The following ROS1 variants were observed in gnomAD, a reference collection of about 807,000 sequenced individuals.
ROS1 encodes the protein proto-oncogene tyrosine-protein kinase ROS.
Under a neutral mutation model 273.5 loss-of-function variants are expected in ROS1, and 263 were observed. The observed-to-expected ratio is 0.96, with a 90% CI of 0.87 to 1.06. The LOEUF (loss-of-function observed/expected upper bound fraction) is 1.06. Among genes scored for constraint, ROS1 ranks in the 50% least tolerant of loss-of-function variants. The pLI is 0.00. For synonymous variants in ROS1, 1,008 were observed against 954.1 expected (o/e 1.06, Z -1.04); for missense variants, 2,833 against 2,751.1 (o/e 1.03, Z -0.67).
In ROS1 at chr6:117,397,011, T is replaced by C. The variant is rs1253255306; in HGVS notation, c.710A>G (p.Tyr237Cys). ...PQFPGGPILGYNLRLISKNQK... is the reference protein window; with the variant it reads ...PQFPGGPILGCNLRLISKNQK... The stretch of plus-strand genomic sequence containing the variant: ...ATTTTTGCTGATCAGCCTTAAGTTA[T>C]AACCCAAAATAGGTCCACCTGGGAA... Residue 237 changes from tyrosine (Y) to cysteine (C), a missense_variant, in exon 8 of 44, where the codon TAT becomes TGT. Physicochemically the swap from Tyr to Cys is radical, Grantham distance 194 (BLOSUM62 -2). Coordinates refer to ENST00000368507, the MANE Select transcript of ROS1 (RefSeq NM_001378902.1). The C allele has an allele frequency of 6.2e-7, 1 of 1,613,968 alleles. No individual in the cohort carries two copies. The highest frequency in any genetic ancestry group is 8.5e-7 in the Non-Finnish European group (1 of 1,179,818).
intron 27 of ROS1, among the ~76,000 whole-genome samples, chr6:117,350,514 G>A (rs187072294): frequency 1.9e-4 from 29 of 151,812 alleles, no homozygotes; most frequent in Non-Finnish European, 3.5e-4. Flanking sequence ...CATACCTGTA[G>A]TTTGGTATCT....
chr6:117,360,663 T>C (rs1779725595), intron 22 of ROS1, among the ~76,000 whole-genome samples: 1 of 152,130 alleles, frequency 6.6e-6, no homozygotes, highest in African/African-American at 2.4e-5. Context: ...AAAAATGAAT[T>C]TCTAAAAATG....
At chr6:117,341,362 A>C (rs1777903929) in intron 30 of ROS1, 38 bp downstream of exon 30, 1 of 1,611,448 alleles carries the variant, frequency 6.2e-7, no homozygotes, top group Non-Finnish European at 8.5e-7. Flanking sequence ...CTTGCACTTG[A>C]GAATGACAAT....
chr6:117,338,769 C>T (rs1436630612), intron 31 of ROS1, among the ~76,000 whole-genome samples: 2 of 152,046 alleles, frequency 1.3e-5, no homozygotes, highest in South Asian at 4.1e-4. Context: ...GGAGAGGTGC[C>T]ACAGGATATC....
intron 32 of ROS1, among the ~76,000 whole-genome samples, chr6:117,333,998 A>T (rs547818444): frequency 6.6e-5 from 10 of 152,262 alleles, no homozygotes; most frequent in African/African-American, 2.2e-4. Context: ...TGGTCAGGGC[A>T]ATCAGGCAAG....
intron 13 of ROS1, among the ~76,000 whole-genome samples, chr6:117,388,237 G>T (rs970843300): frequency 6.6e-6 from 1 of 152,188 alleles, no homozygotes; most frequent in South Asian, 2.1e-4. Flanking sequence ...CTGTCCTTCA[G>T]TCAAAGCTAT....
chr6:117,391,136 C>T (rs563394072), intron 12 of ROS1, among the ~76,000 whole-genome samples: 1 of 152,288 alleles, frequency 6.6e-6, no homozygotes, highest in African/African-American at 2.4e-5. Context: ...GATCAATTTT[C>T]TCAAAACTCC....
intron 4 of ROS1, among the ~76,000 whole-genome samples, chr6:117,411,630 C>T (rs1010354102): frequency 1.4e-4 from 21 of 152,178 alleles, no homozygotes; most frequent in Non-Finnish European, 7.3e-5. Context: ...CAGACTGGCA[C>T]ACAGGCTGCC....
At chr6:117,291,883 A>G (rs1773859228) in intron 43 of ROS1, among the ~76,000 whole-genome samples, 1 of 152,184 alleles carries the variant, frequency 6.6e-6, no homozygotes, top group Admixed American at 6.5e-5. Flanking sequence ...GGGTCCGTGG[A>G]GACTTCAAGT....
chr6:117,317,859 C>T (rs1420639013), intron 38 of ROS1, among the ~76,000 whole-genome samples: 1 of 152,152 alleles, frequency 6.6e-6, no homozygotes, highest in Non-Finnish European at 1.5e-5. Context: ...TGAGAGAACT[C>T]TCTCTTACTG....
At position 117,366,219 on chromosome 6, in the gene ROS1, T is replaced by C. The variant is rs1248261976; in HGVS notation, c.2654A>G (p.Tyr885Cys). The C allele has an allele frequency of 2.5e-6, 4 of 1,614,082 alleles. No homozygotes were observed. Among genetic ancestry groups the C allele is most frequent in the Admixed American group, 1.7e-5 (1 of 60,012 alleles). Residue 885 changes from tyrosine (Y) to cysteine (C), a missense_variant, in exon 19 of 44, where the codon TAC (tyrosine) becomes TGC (cysteine). Physicochemically the swap from Tyr to Cys is radical, Grantham distance 194. Transcript: ENST00000368507. ...TSEISQNALM[Y>C]YSGRLFWING... Reference sequence around the variant, plus strand: ...GATCCAGAACAGCCGACCACTATAGTACATCAGTGCATTCTGGGAAATTTC... The same window carrying C: ...GATCCAGAACAGCCGACCACTATAGCACATCAGTGCATTCTGGGAAATTTC...
Position 117,403,257 on chromosome 6 carries a change from A to G in ROS1, c.486T>C (p.Tyr162=), listed in dbSNP as rs527854247. The change falls in exon 7 of 44, where the codon TAT becomes TAC. Residue 162 remains tyrosine (Y), a synonymous_variant. Coordinates refer to ENST00000368507, the MANE Select transcript of ROS1 (RefSeq NM_001378902.1). Reference sequence around the variant, plus strand: ...TGAAGGGGTGCAGGGGCTTGACCACATAGGACGGTCTGGACACAGTCTAGA... The same window carrying G: ...TGAAGGGGTGCAGGGGCTTGACCACGTAGGACGGTCTGGACACAGTCTAGA... ...TYTKTVSRPS[Y]VVKPLHPFTE... is the part of the protein sequence containing the mutation. 11 of 1,612,302 alleles carry G rather than the reference A, an allele frequency of 6.8e-6. No homozygotes were observed. Among genetic ancestry groups the G allele is most frequent in the African/African-American group, 6.7e-5 (5 of 74,892 alleles).
intron 17 of ROS1, among the ~76,000 whole-genome samples, chr6:117,380,458 T>C (rs2128687440): frequency 6.6e-6 from 1 of 152,122 alleles, no homozygotes; most frequent in Admixed American, 6.5e-5. Flanking sequence ...CTTTTAGGAG[T>C]TGAATCATGT....
chr6:117,367,551 A>T (rs534166630), intron 18 of ROS1, among the ~76,000 whole-genome samples: 2 of 152,302 alleles, frequency 1.3e-5, no homozygotes, highest in South Asian at 4.1e-4. Context: ...TGATGCCAAG[A>T]AGGCATGGCC....
rs1779354843 is a variant in ROS1, at chr6:117,356,817, G to A, written c.3938C>T (p.Thr1313Ile). The stretch of plus-strand genomic sequence containing the variant: ...TTGATTCCTTTTGTTTTGTTGGTTT[G>A]TAGCTGTGGGTTGCAGAATTCGGTG... ...TLHRILQPTATNQQNKRNQCS... is the reference protein window; with the variant it reads ...TLHRILQPTAINQQNKRNQCS... The change falls in exon 26 of 44, where the codon ACA (threonine) becomes ATA (isoleucine). Residue 1313 changes from threonine (T) to isoleucine (I), a missense_variant. Physicochemically the swap from Thr to Ile is moderately conservative, Grantham distance 89 (BLOSUM62 -1). Coordinates refer to ENST00000368507, the MANE Select transcript of ROS1 (RefSeq NM_001378902.1). The A allele has an allele frequency of 1.2e-6, 2 of 1,614,012 alleles. No homozygotes were observed.
chr6:117,323,120 A>G (rs975757730), intron 35 of ROS1, among the ~76,000 whole-genome samples: 1 of 152,148 alleles, frequency 6.6e-6, no homozygotes, highest in Non-Finnish European at 1.5e-5. Flanking sequence ...TGGCACAAAC[A>G]TCAGCTGTGC....
At chr6:117,390,344 C>T (rs1011288982) in intron 12 of ROS1, among the ~76,000 whole-genome samples, 2 of 152,106 alleles carry the variant, frequency 1.3e-5, no homozygotes, top group African/African-American at 4.8e-5. Flanking sequence ...CCAAGCTAGT[C>T]CTGAACTCCT....
chr6:117,416,154 C>G (rs1775315899), intron 3 of ROS1, 104 bp downstream of exon 3: 1 of 733,356 alleles, frequency 1.4e-6, no homozygotes, highest in East Asian at 2.6e-5. Context: ...TAGGGTCAAG[C>G]AAACTAGTTG....
At chr6:117,369,505 C>T (rs1319611840) in intron 18 of ROS1, among the ~76,000 whole-genome samples, 2 of 151,532 alleles carry the variant, frequency 1.3e-5, no homozygotes, top group Non-Finnish European at 2.9e-5. Context: ...ACCCGGGAGG[C>T]GGAGCTTGCA....
Sources: gnomAD v4.1 joint callset for allele counts (sites outside exome capture counted in the v4.1 genomes callset) on GRCh38, gnomAD v4.1.1 for gene constraint, MANE v1.5 for transcripts, NCBI Gene and HGNC (gene_info 2026-07-23, HGNC 2026-07-21) for gene names.